SPATA13: variants seen among roughly 807,000 people sequenced by gnomAD.
The protein encoded by SPATA13 is spermatogenesis-associated protein 13.
A neutral mutation model predicts 104.0 loss-of-function variants in SPATA13; 50 were observed. The ratio of observed to expected loss-of-function variants is 0.48; its 90% CI spans 0.38 to 0.61. The LOEUF (loss-of-function observed/expected upper bound fraction) is 0.61. Ranked by LOEUF, SPATA13 falls within the 20% of genes least tolerant of loss-of-function variation. The probability of loss-of-function intolerance (pLI) is 0.00; values close to 1 mark genes in which losing one functional copy is unlikely to be tolerated. For synonymous variants in SPATA13, 606 were observed against 667.5 expected, an observed-to-expected ratio of 0.91 and a Z score of 1.42; for missense variants, 1,524 against 1,690.6, an observed-to-expected ratio of 0.90 and a Z score of 1.73.
chr13:24,197,084 A>G (rs554489853), intron 1 of SPATA13, among the ~76,000 whole-genome samples: 30 of 152,320 alleles, frequency 2.0e-4, no homozygotes, highest in African/African-American at 7.0e-4. Context: ...GGCACCTGAG[A>G]TGGGTATGAT....
At chr13:24,247,284 C>T (rs147658537) in intron 2 of SPATA13, among the ~76,000 whole-genome samples, 16 of 152,162 alleles carry the variant, frequency 1.1e-4, no homozygotes, top group South Asian at 2.1e-4. Flanking sequence ...GCAGAGGTGA[C>T]GTGGCATTGC....
chr13:24,065,608 A>G (rs1359223910), intron 3 of SPATA13, among the ~76,000 whole-genome samples: 2 of 26,858 alleles, frequency 7.4e-5, no homozygotes, highest in Non-Finnish European at 3.5e-4. Context: ...TCCTCACAAG[A>G]CAGAGAGAGA....
intron 2 of SPATA13, among the ~76,000 whole-genome samples, chr13:24,001,993 CA>C (rs1215098365): frequency 6.6e-6 from 1 of 151,960 alleles, no homozygotes; most frequent in Non-Finnish European, 1.5e-5. Flanking sequence ...TGAAGTCACC[CA>C]GGGGGCGGGT....
At position 24,192,128 on chromosome 13, in the gene SPATA13, T is replaced by TG. The variant is rs530884502; in HGVS notation, c.-111-30689dup. Among the ~76,000 whole-genome samples the TG allele has an allele frequency of 7.9e-4, 121 of 152,264 alleles. 3 individuals are homozygous for TG. The South Asian group carries it at 0.024, about 30-fold the overall frequency. On this transcript the variant is annotated intron_variant, in intron 1 of 12. Coordinates refer to ENST00000382108, the MANE Select transcript of SPATA13 (RefSeq NM_001166271.3). ...CCACCCTGGTTCCCCCAGTCCATTG[T>TG]GGCCATGCTCAGACAAGGCCCTGGG...
intron 1 of SPATA13, among the ~76,000 whole-genome samples, chr13:24,172,430 G>A (rs188667284): frequency 3.9e-5 from 6 of 152,288 alleles, no homozygotes; most frequent in Admixed American, 2.6e-4. Flanking sequence ...GAACTCCGTC[G>A]TAGTCCTAGA....
intron 4 of SPATA13, among the ~76,000 whole-genome samples, chr13:24,258,563 G>T (rs1593469676): frequency 6.6e-6 from 1 of 152,124 alleles, no homozygotes; most frequent in South Asian, 2.1e-4. Flanking sequence ...CAGCTACTCA[G>T]GAGGCTGAGA....
At chr13:24,183,757 CG>C (rs1868958937) in intron 1 of SPATA13, among the ~76,000 whole-genome samples, 1 of 151,990 alleles carries the variant, frequency 6.6e-6, no homozygotes, top group African/African-American at 2.4e-5. Flanking sequence ...TAATGGTGGC[CG>C]TACCTGTCAG....
At chr13:24,227,652 C>T (rs1329824586) in intron 2 of SPATA13, among the ~76,000 whole-genome samples, 1 of 152,062 alleles carries the variant, frequency 6.6e-6, no homozygotes, top group Non-Finnish European at 1.5e-5. Flanking sequence ...CTCACTGCAA[C>T]CTTTGCCTCA....
chr13:24,091,222 T>G (rs1352351770), intron 3 of SPATA13, among the ~76,000 whole-genome samples: 1 of 152,230 alleles, frequency 6.6e-6, no homozygotes, highest in Admixed American at 6.5e-5. Context: ...GGCGAGAGAC[T>G]AAATCCTTCT....
chr13:24,148,522 G>T (rs1882004596), intron 3 of SPATA13, among the ~76,000 whole-genome samples: 1 of 152,114 alleles, frequency 6.6e-6, no homozygotes, highest in Non-Finnish European at 1.5e-5. Context: ...GCCTCCCAGG[G>T]TACCTGCAGG....
At chr13:24,218,932 G>A (rs1871410733) in intron 1 of SPATA13, among the ~76,000 whole-genome samples, 1 of 147,384 alleles carries the variant, frequency 6.8e-6, no homozygotes, top group South Asian at 2.1e-4. Context: ...AAAATTACTG[G>A]TCAGAAGCTT....
At chr13:24,010,651 C>G (rs1876432035) in intron 2 of SPATA13, among the ~76,000 whole-genome samples, 2 of 152,000 alleles carry the variant, frequency 1.3e-5, no homozygotes, top group Admixed American at 6.5e-5. Flanking sequence ...GGATCTGCTT[C>G]TCCTCCCAGC....
intron 3 of SPATA13, among the ~76,000 whole-genome samples, chr13:24,142,761 C>T (rs1483532425): frequency 4.0e-5 from 6 of 151,306 alleles, no homozygotes; most frequent in Non-Finnish European, 7.4e-5. Flanking sequence ...GTTTTATATT[C>T]TTTTTCTTTC....
intron 1 of SPATA13, among the ~76,000 whole-genome samples, chr13:24,207,785 T>TC (rs1289993628): frequency 6.6e-6 from 1 of 152,228 alleles, no homozygotes; most frequent in African/African-American, 2.4e-5. Flanking sequence ...AGACTGGCTA[T>TC]CCTGAGCCAT....
intron 3 of SPATA13, among the ~76,000 whole-genome samples, chr13:24,078,070 C>T (rs1475903759): frequency 6.6e-6 from 1 of 152,152 alleles, no homozygotes; most frequent in Non-Finnish European, 1.5e-5. Context: ...GTTTCCCAGT[C>T]CCACCACTTG....
chr13:24,299,377 C>T lies in SPATA13; in HGVS notation c.3584-1024C>T, dbSNP rs535243274. ...GAGCCAGTAAGTCTGTGAACTGGCA[C>T]GTGTGGGATAAAACTGGATGCATTC... On this transcript the variant is annotated intron_variant, in intron 11 of 12. Coordinates refer to ENST00000382108, the MANE Select transcript of SPATA13 (RefSeq NM_001166271.3). Among the ~76,000 whole-genome samples, 124 of 152,318 alleles carry T rather than the reference C, an allele frequency of 8.1e-4. 1 individual carries two copies. The highest frequency in any genetic ancestry group is 3.4e-3 in the Middle Eastern group (1 of 294).
chr13:24,122,209 C>G, intron 3 of SPATA13: 1 of 1,462,288 alleles, frequency 6.8e-7, no homozygotes, highest in African/African-American at 1.4e-5. Context: ...TATACTGTAA[C>G]TGTTTTCTTT....
At chr13:23,986,886 C>T (rs1293314773) in intron 2 of SPATA13, among the ~76,000 whole-genome samples, 1 of 152,070 alleles carries the variant, frequency 6.6e-6, no homozygotes, top group Non-Finnish European at 1.5e-5. Context: ...ATCATGGGAT[C>T]TCGTTGTGCA....
At chr13:24,211,538 A>G (rs1296653431) in intron 1 of SPATA13, among the ~76,000 whole-genome samples, 1 of 152,052 alleles carries the variant, frequency 6.6e-6, no homozygotes, top group Non-Finnish European at 1.5e-5. Context: ...GATTTTGTTG[A>G]GGATTTTTAT....
Sources: gnomAD v4.1 joint callset for allele counts (sites outside exome capture counted in the v4.1 genomes callset) on GRCh38, gnomAD v4.1.1 for gene constraint, MANE v1.5 for transcripts, NCBI Gene and HGNC (gene_info 2026-07-23, HGNC 2026-07-21) for gene names.